Variants in RNF130 observed in about 807,000 individuals in gnomAD.
The protein encoded by RNF130 is E3 ubiquitin-protein ligase RNF130.
A neutral mutation model predicts 44.6 loss-of-function variants in RNF130; 21 were observed. The observed-to-expected ratio is 0.47, with a 90% CI of 0.33 to 0.68. The LOEUF is 0.68. Among genes scored for constraint, RNF130 ranks in the 30% least tolerant of loss-of-function variants. RNF130 has a pLI of 0.02. For missense variants in RNF130, 479 were observed against 560.6 expected (o/e 0.85, Z 1.47); for synonymous variants, 214 against 210.4 (o/e 1.02, Z -0.15).
At chr5:180,030,235 C>T (rs180952180) in intron 2 of RNF130, among the ~76,000 whole-genome samples, 1 of 152,232 alleles carries the variant, frequency 6.6e-6, no homozygotes, top group East Asian at 1.9e-4. Context: ...AAAAAAAGAT[C>T]ACCTCATAAA....
chr5:179,985,631 G>A (rs1298299412), intron 3 of RNF130, among the ~76,000 whole-genome samples: 1 of 152,096 alleles, frequency 6.6e-6, no homozygotes, highest in Non-Finnish European at 1.5e-5. Flanking sequence ...AATTCAGAGG[G>A]TTCCCACTAT....
rs1582160950 is a variant in RNF130 at position 179,981,474 on chromosome 5, G to A, written c.694-1274C>T. Among the ~76,000 whole-genome samples, 3 of 152,188 alleles carry A rather than the reference G, an allele frequency of 2.0e-5. No homozygotes were observed. The South Asian group carries it at 6.2e-4, about 31-fold the overall frequency. On this transcript the variant is annotated intron_variant, in intron 3 of 8. Transcript: ENST00000521389. ...AGTTTTAAACACACAAAAGAACAGAGAATGATTTAATAAAGCCTTCCCTAT... is the reference window on the plus strand; with the variant it reads ...AGTTTTAAACACACAAAAGAACAGAAAATGATTTAATAAAGCCTTCCCTAT...
In RNF130 at chr5:179,920,795, A is replaced by ATATTTT. The variant is rs1554099383; in HGVS notation, c.1151-370_1151-369insAAAATA. Among the ~76,000 whole-genome samples, 102 of 143,420 alleles carry ATATTTT rather than the reference A, an allele frequency of 7.1e-4. 1 individual carries two copies. The highest frequency in any genetic ancestry group is 2.5e-3 in the African/African-American group (96 of 37,836). 94.1% of individuals were successfully genotyped at this position (143,420 alleles called of 152,430 possible). On this transcript the variant is annotated intron_variant, in intron 7 of 7. Transcript: ENST00000522208. ...CATATATATTTATATATATATATAT[A>ATATTTT]TTTTTTTTTTTGAGATGGAGTTTTG...
intron 7 of RNF130, among the ~76,000 whole-genome samples, chr5:179,925,568 C>A (rs962582574): frequency 6.6e-6 from 1 of 151,726 alleles, no homozygotes; most frequent in African/African-American, 2.4e-5. Flanking sequence ...ACTCTGTTGC[C>A]CAAGCTGGAG....
chr5:179,935,222 G>A (rs1490003077), intron 7 of RNF130, among the ~76,000 whole-genome samples: 1 of 152,022 alleles, frequency 6.6e-6, no homozygotes, highest in Admixed American at 6.6e-5. Flanking sequence ...ATACTCTACA[G>A]ATTTCAATCC....
At chr5:180,068,077 T>C (rs1454841437) in intron 1 of RNF130, among the ~76,000 whole-genome samples, 6 of 152,216 alleles carry the variant, frequency 3.9e-5, no homozygotes, top group African/African-American at 1.2e-4. Context: ...AAAATTTCTA[T>C]GCAAAGCAAG....
chr5:179,958,277 A>C (rs181745949), intron 8 of RNF130, among the ~76,000 whole-genome samples: 6 of 152,342 alleles, frequency 3.9e-5, no homozygotes, highest in African/African-American at 1.2e-4. Flanking sequence ...TATTAACAAC[A>C]AGGCACAGGA....
chr5:179,968,211 C>T (rs924488300), intron 6 of RNF130, among the ~76,000 whole-genome samples: 3 of 152,162 alleles, frequency 2.0e-5, no homozygotes, highest in Admixed American at 1.3e-4. Context: ...AAGAGAATGG[C>T]ATGAACCCAG....
chr5:179,998,207 T>A (rs1317254277), intron 3 of RNF130, among the ~76,000 whole-genome samples: 1 of 152,250 alleles, frequency 6.6e-6, no homozygotes, highest in Admixed American at 6.5e-5. Context: ...ATTGTTTTGA[T>A]GTAGGTGTTA....
chr5:179,954,323 C>T (rs1475970827), downstream of RNF130, among the ~76,000 whole-genome samples: 1 of 152,134 alleles, frequency 6.6e-6, no homozygotes, highest in African/African-American at 2.4e-5. Context: ...TCATAACAGC[C>T]GAACAGCGGA....
chr5:180,050,306 A>C (rs1764658823), intron 1 of RNF130, among the ~76,000 whole-genome samples: 1 of 152,210 alleles, frequency 6.6e-6, no homozygotes, highest in Non-Finnish European at 1.5e-5. Context: ...CTCCGCGCCC[A>C]CAAGAGTCAA....
At chr5:179,931,317 G>A (rs1343707541) in intron 7 of RNF130, among the ~76,000 whole-genome samples, 1 of 152,170 alleles carries the variant, frequency 6.6e-6, no homozygotes, top group Non-Finnish European at 1.5e-5. Flanking sequence ...GGAGTCTAGG[G>A]ACAATGGTAG....
At chr5:180,039,612 G>A (rs756062985) in intron 2 of RNF130, among the ~76,000 whole-genome samples, 2 of 152,128 alleles carry the variant, frequency 1.3e-5, no homozygotes, top group Non-Finnish European at 2.9e-5. Context: ...AAGTACCAAC[G>A]ACTCTCAATT....
At chr5:179,934,540 C>T (rs1019680778) in intron 7 of RNF130, among the ~76,000 whole-genome samples, 44 of 126,384 alleles carry the variant, frequency 3.5e-4, no homozygotes, top group African/African-American at 1.1e-3. Context: ...CTTTTCTTTC[C>T]TTTTTTTTTT....
intron 3 of RNF130, among the ~76,000 whole-genome samples, chr5:180,008,301 G>A (rs1763509007): frequency 6.6e-6 from 1 of 151,910 alleles, no homozygotes; most frequent in Admixed American, 6.6e-5. Flanking sequence ...CAGGCGCCAA[G>A]GGCAAAATCA....
rs774901246 is a variant in RNF130 at position 180,013,324 on chromosome 5, A to T, written c.443-13T>A. ...ATATCTCCAGTGCCTGCAATATAAA[A>T]TAAATATATAACTCAAGTGACATTT... is the stretch of plus-strand genomic sequence containing the variant. On this transcript the variant is annotated splice_polypyrimidine_tract_variant and intron_variant, in intron 2 of 8. Coordinates refer to ENST00000521389, the MANE Select transcript of RNF130 (RefSeq NM_018434.6). 1 of 1,587,446 alleles carries T rather than the reference A, an allele frequency of 6.3e-7. No homozygotes were observed. The highest frequency in any genetic ancestry group is 2.2e-5 in the East Asian group (1 of 44,652).
chr5:179,923,438 T>C (rs1761661904), intron 7 of RNF130, among the ~76,000 whole-genome samples: 1 of 152,222 alleles, frequency 6.6e-6, no homozygotes, highest in African/African-American at 2.4e-5. Flanking sequence ...TAGACTAAAC[T>C]GCTTCCTTAT....
In RNF130 at chr5:179,922,514, T is replaced by C. The variant is rs183942257; in HGVS notation, c.1151-2088A>G. On this transcript the variant is annotated intron_variant, in intron 7 of 7. Transcript: ENST00000522208. ...TTTTAATAGAGATGGGGTTTCACCA[T>C]GTTGGCCAGGCTGGTCTCGAACTCC... Among the ~76,000 whole-genome samples the C allele has an allele frequency of 1.5e-4, 22 of 151,420 alleles. 1 individual carries two copies. The highest frequency in any genetic ancestry group is 4.1e-4 in the African/African-American group (17 of 41,346).
intron 1 of RNF130, among the ~76,000 whole-genome samples, chr5:180,043,651 G>C (rs955500079): frequency 1.3e-5 from 2 of 151,990 alleles, no homozygotes; most frequent in Non-Finnish European, 2.9e-5. Context: ...CAGAGCAAAA[G>C]TTATCAAACA....
Sources: gnomAD v4.1 joint callset for allele counts (sites outside exome capture counted in the v4.1 genomes callset) on GRCh38, gnomAD v4.1.1 for gene constraint, MANE v1.5 for transcripts, NCBI Gene and HGNC (gene_info 2026-07-23, HGNC 2026-07-21) for gene names.